Variants in TYR observed in about 807,000 individuals in gnomAD.
TYR encodes LB24-AB.
Under a neutral mutation model 51.5 loss-of-function variants are expected in TYR, and 58 were observed. The observed-to-expected ratio is 1.13, with a 90% CI of 0.91 to 1.40. TYR has a LOEUF of 1.40. TYR is among the 40% of genes most tolerant of loss of function. TYR has a pLI of 0.00. For missense variants in TYR, 732 were observed against 647.4 expected (o/e 1.13, Z -1.42); for synonymous variants, 263 against 235.2 (o/e 1.12, Z -1.08).
At chr11:89,254,791 T>C (rs1590881056) in intron 3 of TYR, among the ~76,000 whole-genome samples, 2 of 152,026 alleles carry the variant, frequency 1.3e-5, no homozygotes, top group East Asian at 3.9e-4. Flanking sequence ...GTTTCATTTA[T>C]CTTTTGTATT....
chr11:89,251,612 T>G (rs1163244451), intron 3 of TYR, among the ~76,000 whole-genome samples: 1 of 151,790 alleles, frequency 6.6e-6, no homozygotes, highest in Non-Finnish European at 1.5e-5. Context: ...CAAAGCATAT[T>G]TATTGAAAGG....
intron 3 of TYR, among the ~76,000 whole-genome samples, chr11:89,247,146 G>A (rs553657331): frequency 6.6e-6 from 1 of 152,044 alleles, no homozygotes; most frequent in Non-Finnish European, 1.5e-5. Context: ...TTTTCTTTTT[G>A]ATGTTATTGT....
intron 2 of TYR, among the ~76,000 whole-genome samples, chr11:89,212,672 C>T (rs1016993194): frequency 7.9e-5 from 12 of 152,198 alleles, no homozygotes; most frequent in Admixed American, 2.0e-4. Context: ...TGATGAACAT[C>T]GATGCGAAAA....
chr11:89,236,205 C>T (rs1296811401), intron 3 of TYR, among the ~76,000 whole-genome samples: 2 of 149,566 alleles, frequency 1.3e-5, no homozygotes, highest in Non-Finnish European at 3.0e-5. Flanking sequence ...CCTGCCAAAC[C>T]ACAAAATTCC....
At chr11:89,260,220 T>A (rs1944440510) in intron 3 of TYR, among the ~76,000 whole-genome samples, 1 of 151,246 alleles carries the variant, frequency 6.6e-6, no homozygotes, top group African/African-American at 2.4e-5. Context: ...TCTACTTCCA[T>A]TGAGAGTAGC....
chr11:89,272,673 A>G (rs1944603173), intron 3 of TYR, among the ~76,000 whole-genome samples: 2 of 151,960 alleles, frequency 1.3e-5, no homozygotes, highest in Non-Finnish European at 2.9e-5. Context: ...TAGCTAAGAA[A>G]GTCCTAGATG....
At chr11:89,234,829 T>C (rs1023617498) in intron 3 of TYR, among the ~76,000 whole-genome samples, 3 of 152,104 alleles carry the variant, frequency 2.0e-5, no homozygotes, top group Non-Finnish European at 4.4e-5. Context: ...ACATATACAA[T>C]AATAATTTAA....
intron 1 of TYR, among the ~76,000 whole-genome samples, chr11:89,189,518 T>C (rs1320900314): frequency 2.6e-5 from 4 of 152,028 alleles, no homozygotes; most frequent in Non-Finnish European, 4.4e-5. Context: ...TTCTAGTCCT[T>C]GACATTCTGA....
chr11:89,187,119 T>C (rs757511352), intron 1 of TYR, among the ~76,000 whole-genome samples: 2 of 152,126 alleles, frequency 1.3e-5, no homozygotes, highest in Non-Finnish European at 2.9e-5. Flanking sequence ...TTTCAATCCC[T>C]AGGGAGTCAC....
At position 89,191,224 on chromosome 11, in the gene TYR, A is replaced by G. The variant is rs146036358; in HGVS notation, c.842A>G (p.Glu281Gly). The G allele has an allele frequency of 1.6e-5, 26 of 1,613,384 alleles. No homozygotes were observed. In the African/African-American group the frequency reaches 3.5e-4, roughly 22 times the overall value. ...CAGATTGTCTGTAGCCGATTGGAGGAGTACAACAGCCATCAGTCTTTATGC... is the reference window on the plus strand; with the variant it reads ...CAGATTGTCTGTAGCCGATTGGAGGGGTACAACAGCCATCAGTCTTTATGC... ...SWQIVCSRLE[E>G]YNSHQSLCNG... Residue 281 changes from glutamate to glycine, a missense_variant, in exon 2 of 5, where the codon GAG becomes GGG. Coordinates refer to ENST00000263321, the MANE Select transcript of TYR (RefSeq NM_000372.5).
rs368666892 is a variant in TYR at position 89,273,695 on chromosome 11, T to C, written c.1185-11078T>C. Among the ~76,000 whole-genome samples the C allele has an allele frequency of 4.6e-5, 7 of 151,994 alleles. No individual in the cohort carries two copies. The East Asian group carries it at 7.8e-4, about 17-fold the overall frequency. The stretch of plus-strand genomic sequence containing the variant: ...TATCCACATAAAGCAATAAATTGAA[T>C]TGCAATAAAATGTGGTATACCTGTT... On this transcript the variant is annotated intron_variant, in intron 3 of 4. Coordinates refer to ENST00000263321, the MANE Select transcript of TYR (RefSeq NM_000372.5).
intron 3 of TYR, among the ~76,000 whole-genome samples, chr11:89,272,715 T>G (rs1422402768): frequency 6.6e-6 from 1 of 151,972 alleles, no homozygotes; most frequent in Non-Finnish European, 1.5e-5. Flanking sequence ...TTTGTCTACC[T>G]TGAAATTTGT....
intron 3 of TYR, among the ~76,000 whole-genome samples, chr11:89,259,967 G>T (rs1944437732): frequency 6.6e-6 from 1 of 151,898 alleles, no homozygotes; most frequent in South Asian, 2.1e-4. Flanking sequence ...TTAATTCCTG[G>T]CCCTGCCATT....
chr11:89,234,262 G>A (rs1169079883), intron 3 of TYR, among the ~76,000 whole-genome samples: 1 of 143,456 alleles, frequency 7.0e-6, no homozygotes, highest in Non-Finnish European at 1.5e-5. Context: ...ACCCTCCATA[G>A]GATTAAGAGA....
chr11:89,290,779 T>G (rs181858930), intron 4 of TYR, among the ~76,000 whole-genome samples: 1 of 152,160 alleles, frequency 6.6e-6, no homozygotes. Flanking sequence ...CATGACTTGC[T>G]GCAAGGTAAG....
intron 2 of TYR, among the ~76,000 whole-genome samples, chr11:89,197,183 C>CA (rs1364475040): frequency 6.6e-6 from 1 of 151,812 alleles, no homozygotes; most frequent in Admixed American, 6.6e-5. Context: ...GATGAGTTAC[C>CA]AAAAAATGAG....
intron 2 of TYR, 143 bp downstream of exon 2, chr11:89,191,561 A>T (rs1943446907): frequency 3.9e-6 from 3 of 772,970 alleles, no homozygotes; most frequent in Non-Finnish European, 6.3e-6. Flanking sequence ...ATCGACAATG[A>T]CCCTAGCTGA....
At chr11:89,190,056 T>A (rs1360003447) in intron 1 of TYR, among the ~76,000 whole-genome samples, 1 of 152,174 alleles carries the variant, frequency 6.6e-6, no homozygotes, top group Non-Finnish European at 1.5e-5. Flanking sequence ...CCCACTTGTA[T>A]AAAAGTCTAG....
chr11:89,211,950 G>A (rs12417077), intron 2 of TYR, among the ~76,000 whole-genome samples: 28,907 of 152,108 alleles, frequency 0.19, 3,618 homozygotes, highest in African/African-American at 0.36. Context: ...TTAAAGCAGC[G>A]TGTCGGGAGA....
Sources: allele counts gnomAD v4.1 joint callset (sites outside exome capture counted in the v4.1 genomes callset), GRCh38; gene constraint gnomAD v4.1.1; transcripts MANE v1.5; gene names NCBI Gene and HGNC (gene_info 2026-07-23, HGNC 2026-07-21).